The following RASA2 variants were observed in gnomAD, a reference collection of about 807,000 sequenced individuals.
RASA2 encodes the protein RAS p21 protein activator 2, also known as ras GTPase-activating protein 2.
Under a neutral mutation model 118.2 loss-of-function variants are expected in RASA2, and 155 were observed. The observed-to-expected ratio is 1.31, with a 90% CI of 1.15 to 1.50. The LOEUF (loss-of-function observed/expected upper bound fraction) is 1.50, where lower values mean the gene tolerates loss of function less well. Ranked by LOEUF, RASA2 falls within the 40% of genes most tolerant of loss-of-function variation. The probability of loss-of-function intolerance (pLI) is 0.00; values close to 1 mark genes in which losing one functional copy is unlikely to be tolerated. For synonymous variants in RASA2, 353 were observed against 349.1 expected, an observed-to-expected ratio of 1.01 and a Z score of -0.12; for missense variants, 1,016 against 1,009.6, an observed-to-expected ratio of 1.01 and a Z score of -0.09.
intron 23 of RASA2, among the ~76,000 whole-genome samples, chr3:141,610,497 T>TAATATATATATA (rs2083633192): frequency 2.3e-5 from 3 of 132,212 alleles, no homozygotes; most frequent in Non-Finnish European, 4.6e-5. Context: ...ATATATATAT[T>TAATATATATATA]TAGTTTTTGT....
chr3:141,497,706 A>C lies in RASA2; in HGVS notation c.133+10490A>C, dbSNP rs551942539. 1.7e-3 allele frequency among the ~76,000 whole-genome samples: 251 copies of C among 151,016 alleles called. 3 individuals carry two copies. Among genetic ancestry groups the C allele is most frequent in the African/African-American group, 5.6e-3 (233 of 41,344 alleles). ...GCAAAACTCCGTTTCTACAAACGAA[A>C]AAAAAAAAAAAATGCCAGGCATAGT... On this transcript the variant is annotated intron_variant, in intron 1 of 23. Transcript: ENST00000286364.
chr3:141,539,537 T>G (rs2151101466), intron 4 of RASA2, among the ~76,000 whole-genome samples: 1 of 152,288 alleles, frequency 6.6e-6, no homozygotes, highest in Non-Finnish European at 1.5e-5. Context: ...AGGGTTGTTC[T>G]AAAGAGGAAC....
chr3:141,555,342 T>G (rs1486079350), intron 6 of RASA2, among the ~76,000 whole-genome samples: 1 of 152,214 alleles, frequency 6.6e-6, no homozygotes, highest in Non-Finnish European at 1.5e-5. Flanking sequence ...TGGGAGAGGC[T>G]GGGTAAAAAC....
At chr3:141,502,971 C>A (rs2081806355) in intron 1 of RASA2, among the ~76,000 whole-genome samples, 1 of 152,118 alleles carries the variant, frequency 6.6e-6, no homozygotes, top group South Asian at 2.1e-4. Flanking sequence ...TAGAAAGACT[C>A]TAGGCTTTGG....
At chr3:141,570,314 G>C (rs1432818102) in intron 9 of RASA2, among the ~76,000 whole-genome samples, 1 of 151,628 alleles carries the variant, frequency 6.6e-6, no homozygotes, top group East Asian at 1.9e-4. Flanking sequence ...TCCGCCTCCT[G>C]AGTTCAAGTG....
chr3:141,526,109 T>C (rs1238305518), intron 3 of RASA2: 2 of 152,202 alleles, frequency 1.3e-5, no homozygotes, highest in African/African-American at 4.8e-5. Context: ...TTTAAAAATA[T>C]TGTTCAGCTT....
intron 19 of RASA2, among the ~76,000 whole-genome samples, chr3:141,602,695 G>A (rs552217556): frequency 1.3e-5 from 2 of 152,278 alleles, no homozygotes; most frequent in Admixed American, 6.5e-5. Flanking sequence ...TCCCTAGGGG[G>A]CCTCACCTGA....
intron 11 of RASA2, among the ~76,000 whole-genome samples, chr3:141,572,343 C>T (rs1180441180): frequency 6.6e-6 from 1 of 152,016 alleles, no homozygotes; most frequent in African/African-American, 2.4e-5. Context: ...CCACCTGCTT[C>T]GGACCCCCAA....
intron 19 of RASA2, among the ~76,000 whole-genome samples, chr3:141,589,925 G>A (rs1271649720): frequency 6.6e-6 from 1 of 152,096 alleles, no homozygotes; most frequent in Non-Finnish European, 1.5e-5. Context: ...GAGGCTACTA[G>A]AGGTATAAAA....
At chr3:141,550,099 A>C (rs2082550709) in intron 5 of RASA2, among the ~76,000 whole-genome samples, 1 of 152,216 alleles carries the variant, frequency 6.6e-6, no homozygotes, top group Admixed American at 6.5e-5. Flanking sequence ...ATGAAAATCA[A>C]CATTGGCAAA....
intron 9 of RASA2, among the ~76,000 whole-genome samples, chr3:141,560,424 A>G (rs1383332999): frequency 6.6e-6 from 1 of 152,198 alleles, no homozygotes; most frequent in Admixed American, 6.5e-5. Flanking sequence ...GGAACTAACC[A>G]CTGTTCTTCC....
intron 14 of RASA2, 130 bp downstream of exon 14, chr3:141,574,197 TTA>T: frequency 1.7e-6 from 1 of 601,364 alleles, no homozygotes; most frequent in Non-Finnish European, 2.2e-6. Flanking sequence ...TTATTTTATT[TTA>T]TTTTTTTTGA....
chr3:141,600,222 T>TA (rs2083441988), intron 19 of RASA2: 2 of 477,736 alleles, frequency 4.2e-6, no homozygotes, highest in South Asian at 1.6e-5. Flanking sequence ...TGGAGATGTG[T>TA]AAAAAGGTTT....
intron 23 of RASA2, among the ~76,000 whole-genome samples, 179 bp from the exon 24 acceptor site, chr3:141,612,104 C>A (rs2083661897): frequency 6.6e-6 from 1 of 152,200 alleles, no homozygotes; most frequent in African/African-American, 2.4e-5. Context: ...TCTTTAAGTT[C>A]TACACTAGGG....
chr3:141,605,482 T>G (rs1360493759), intron 19 of RASA2, among the ~76,000 whole-genome samples: 1 of 152,186 alleles, frequency 6.6e-6, no homozygotes, highest in Non-Finnish European at 1.5e-5. Flanking sequence ...GCAATGCCCT[T>G]TCTCCACATA....
intron 19 of RASA2, among the ~76,000 whole-genome samples, chr3:141,588,449 G>A (rs1302925851): frequency 6.6e-6 from 1 of 152,224 alleles, no homozygotes; most frequent in East Asian, 1.9e-4. Context: ...CACCCCGTGA[G>A]CAACATTCAG....
At chr3:141,601,204 AT>A (rs1299153550) in intron 19 of RASA2, among the ~76,000 whole-genome samples, 1 of 152,172 alleles carries the variant, frequency 6.6e-6, no homozygotes, top group Non-Finnish European at 1.5e-5. Flanking sequence ...CGGCAGACAG[AT>A]TGCCTGATCT....
chr3:141,528,331 G>C (rs2082211477), intron 3 of RASA2, among the ~76,000 whole-genome samples: 1 of 151,864 alleles, frequency 6.6e-6, no homozygotes, highest in Admixed American at 6.6e-5. Context: ...GTTTTATTGA[G>C]ATGTAATTCA....
At chr3:141,584,015 T>TA (rs1025594715) in intron 17 of RASA2, among the ~76,000 whole-genome samples, 11 of 149,776 alleles carry the variant, frequency 7.3e-5, no homozygotes, top group East Asian at 1.9e-4. Flanking sequence ...AATGGTAGAT[T>TA]AAAAAAAAAG....
Sources: allele counts gnomAD v4.1 joint callset (sites outside exome capture counted in the v4.1 genomes callset), GRCh38; gene constraint gnomAD v4.1.1; transcripts MANE v1.5; gene names NCBI Gene and HGNC (gene_info 2026-07-23, HGNC 2026-07-21).